The following CKMT2 variants were observed in gnomAD, a reference collection of about 807,000 sequenced individuals.
CKMT2 encodes creatine kinase, mitochondrial 2, also known as creatine kinase S-type, mitochondrial.
CKMT2 carries 43 observed loss-of-function variants against 48.9 expected under a neutral mutation model. The observed-to-expected ratio is 0.88, with a 90% CI of 0.69 to 1.13. The LOEUF (loss-of-function observed/expected upper bound fraction) is 1.13. CKMT2 is among the 50% of genes most tolerant of loss of function. The pLI is 0.00. For missense variants in CKMT2, 472 were observed against 555.4 expected (o/e 0.85, Z 1.51); for synonymous variants, 206 against 213.0 (o/e 0.97, Z 0.29).
At chr5:81,245,969 T>G (rs1027138337) in intron 1 of CKMT2, among the ~76,000 whole-genome samples, 1 of 152,046 alleles carries the variant, frequency 6.6e-6, no homozygotes, top group East Asian at 1.9e-4. Context: ...TCCAAACCAT[T>G]AGCACGACCT....
intron 1 of CKMT2, 109 bp downstream of exon 1, chr5:81,233,486 G>C (rs1436799838): frequency 1.4e-5 from 11 of 793,560 alleles, no homozygotes; most frequent in Non-Finnish European, 1.5e-6. Flanking sequence ...CGGGGACCCC[G>C]TTAGGACGCT....
At chr5:81,254,967 C>T in intron 4 of CKMT2, 26 bp from the exon 5 acceptor site, 6 of 1,600,582 alleles carry the variant, frequency 3.7e-6, no homozygotes, top group Non-Finnish European at 5.1e-6. Context: ...AGGCTGGCCA[C>T]AGTGACCCCA....
chr5:81,244,706 C>G (rs889440095), intron 1 of CKMT2: 1 of 152,304 alleles, frequency 6.6e-6, no homozygotes, highest in African/African-American at 2.4e-5. Flanking sequence ...TCTCATTGCC[C>G]TTCCTCTTCC....
chr5:81,236,274 G>A (rs574100857), intron 1 of CKMT2, among the ~76,000 whole-genome samples: 1 of 152,286 alleles, frequency 6.6e-6, no homozygotes, highest in African/African-American at 2.4e-5. Flanking sequence ...GGCACCACAG[G>A]TTTTAAGCCA....
chr5:81,237,577 T>C (rs1206268863), intron 1 of CKMT2: 1 of 152,208 alleles, frequency 6.6e-6, no homozygotes, highest in African/African-American at 2.4e-5. Context: ...TTTTTAGGTT[T>C]TTACTTTTTT....
intron 1 of CKMT2, chr5:81,250,777 G>A (rs1346205362): frequency 5.9e-6 from 1 of 168,220 alleles, no homozygotes; most frequent in Non-Finnish European, 1.3e-5. Flanking sequence ...AGAGCATATG[G>A]TCTGTCAAAT....
At chr5:81,255,485 G>A (rs1756973787) in intron 5 of CKMT2, among the ~76,000 whole-genome samples, 1 of 152,238 alleles carries the variant, frequency 6.6e-6, no homozygotes, top group African/African-American at 2.4e-5. Flanking sequence ...TTAGGAGGGT[G>A]GAGATGAATG....
chr5:81,242,519 A>C, intron 1 of CKMT2: 1 of 483,552 alleles, frequency 2.1e-6, no homozygotes, highest in Non-Finnish European at 4.0e-6. Flanking sequence ...TTTGGTGTTC[A>C]GCACAAAGGG....
At chr5:81,234,036 A>C (rs1014856498) in intron 1 of CKMT2, among the ~76,000 whole-genome samples, 13 of 151,456 alleles carry the variant, frequency 8.6e-5, no homozygotes, top group South Asian at 2.1e-4. Context: ...AAAAAAAAAA[A>C]AAAAAAAAAA....
intron 9 of CKMT2, among the ~76,000 whole-genome samples, chr5:81,265,255 T>C (rs1025651065): frequency 2.6e-5 from 4 of 152,144 alleles, no homozygotes; most frequent in Non-Finnish European, 4.4e-5. Flanking sequence ...AAAGGATAAA[T>C]AGAAAATATG....
At chr5:81,253,871 G>A (rs1260199781) in intron 3 of CKMT2, among the ~76,000 whole-genome samples, 5 of 152,212 alleles carry the variant, frequency 3.3e-5, no homozygotes, top group Admixed American at 1.3e-4. Flanking sequence ...GGGAAGGTCC[G>A]CATCGGGTGA....
intron 1 of CKMT2, chr5:81,242,319 C>A: frequency 2.8e-6 from 1 of 362,706 alleles, no homozygotes; most frequent in Non-Finnish European, 5.3e-6. Context: ...TTTTGTGAGA[C>A]AAAGGTTTGT....
chr5:81,257,858 T>A lies in CKMT2; in HGVS notation c.879+2T>A, dbSNP rs1348723286. ...CGATTCTGTCGTGGACTAAAAGAAG[T>A]AAGATGTTATCTGAGATTTCTGGAT... is the stretch of plus-strand genomic sequence containing the variant. On this transcript the variant is annotated splice_donor_variant, in intron 7 of 9. Coordinates refer to ENST00000254035, the MANE Select transcript of CKMT2 (RefSeq NM_001099735.2). LOFTEE classifies it high-confidence loss of function. 1 of 1,609,348 alleles carries A rather than the reference T, an allele frequency of 6.2e-7. No individual in the cohort carries two copies. Among genetic ancestry groups the A allele is most frequent in the Non-Finnish European group, 8.5e-7 (1 of 1,177,810 alleles).
chr5:81,243,569 G>A (rs1756507963), intron 1 of CKMT2, among the ~76,000 whole-genome samples: 1 of 152,162 alleles, frequency 6.6e-6, no homozygotes, highest in African/African-American at 2.4e-5. Flanking sequence ...TTGAGATCAT[G>A]CAAAGCTCTA....
At chr5:81,258,864 T>C (rs1757107004) in intron 7 of CKMT2, among the ~76,000 whole-genome samples, 1 of 152,218 alleles carries the variant, frequency 6.6e-6, no homozygotes, top group African/African-American at 2.4e-5. Flanking sequence ...AAAACATTCA[T>C]TATCTTTCAA....
intron 9 of CKMT2, among the ~76,000 whole-genome samples, chr5:81,264,135 T>C (rs564195161): frequency 2.6e-5 from 4 of 152,348 alleles, no homozygotes; most frequent in African/African-American, 9.6e-5. Flanking sequence ...TAGGTTTAGA[T>C]AAGTTTGTGC....
At position 81,251,295 on chromosome 5, in the gene CKMT2, C is replaced by T. The variant is rs1756805870; in HGVS notation, c.152+11C>T. Reference sequence around the variant, plus strand: ...GCTATTTCCTCCAAGGTAAGGGCTCCTGACTTTAAAATAACCTCAGGCCAG... The same window carrying T: ...GCTATTTCCTCCAAGGTAAGGGCTCTTGACTTTAAAATAACCTCAGGCCAG... On this transcript the variant is annotated intron_variant, in intron 2 of 9. Transcript: ENST00000254035. The T allele has an allele frequency of 1.2e-6, 2 of 1,613,184 alleles. No individual in the cohort carries two copies. The highest frequency in any genetic ancestry group is 2.2e-5 in the East Asian group (1 of 44,860).
intron 1 of CKMT2, among the ~76,000 whole-genome samples, chr5:81,236,816 A>G (rs933287466): frequency 5.3e-5 from 8 of 152,326 alleles, no homozygotes; most frequent in Non-Finnish European, 7.3e-5. Flanking sequence ...AAAGTATGTG[A>G]TAGACACCTT....
chr5:81,254,982 C>G lies in CKMT2; in HGVS notation c.448-11C>G, dbSNP rs1473048131. 2 of 1,611,612 alleles carry G rather than the reference C, an allele frequency of 1.2e-6. No individual in the cohort carries two copies. Among genetic ancestry groups the G allele is most frequent in the Admixed American group, 3.3e-5 (2 of 60,008 alleles). ...AGGCTGGCCACAGTGACCCCACAGT[C>G]TGCTTGGCAGATCACCCAAGGGCAG... is the stretch of plus-strand genomic sequence containing the variant. On this transcript the variant is annotated splice_polypyrimidine_tract_variant and intron_variant, in intron 4 of 9. Coordinates refer to ENST00000254035, the MANE Select transcript of CKMT2 (RefSeq NM_001099735.2).
Sources: allele counts gnomAD v4.1 joint callset (sites outside exome capture counted in the v4.1 genomes callset), GRCh38; gene constraint gnomAD v4.1.1; transcripts MANE v1.5; gene names NCBI Gene and HGNC (gene_info 2026-07-23, HGNC 2026-07-21).